Variants in TGS1 observed in about 807,000 individuals in gnomAD.
The protein encoded by TGS1 is trimethylguanosine synthase.
A neutral mutation model predicts 92.2 loss-of-function variants in TGS1; 69 were observed. The observed-to-expected ratio is 0.75, with a 90% CI of 0.62 to 0.91. The LOEUF is 0.91. Among genes scored for constraint, TGS1 ranks in the 40% least tolerant of loss-of-function variants. The pLI is 0.00. For synonymous variants in TGS1, 345 were observed against 338.1 expected (o/e 1.02, Z -0.22); for missense variants, 1,062 against 1,001.2 (o/e 1.06, Z -0.82).
chr8:55,783,559 T>C (rs1183847236), intron 2 of TGS1, among the ~76,000 whole-genome samples: 1 of 152,224 alleles, frequency 6.6e-6, no homozygotes, highest in Admixed American at 6.5e-5. Context: ...GTAAAGAGAC[T>C]GTCATCTTGG....
At chr8:55,785,065 G>GTTTTTTT (rs1563451677) in intron 2 of TGS1, among the ~76,000 whole-genome samples, 1 of 144,472 alleles carries the variant, frequency 6.9e-6, no homozygotes, top group African/African-American at 2.7e-5. Context: ...TTTGTTTTTT[G>GTTTTTTT]TTTTTTGTTT....
intron 12 of TGS1, among the ~76,000 whole-genome samples, chr8:55,815,458 C>G (rs954365663): frequency 1.3e-5 from 2 of 152,034 alleles, no homozygotes; most frequent in African/African-American, 4.8e-5. Context: ...ATCACAGTTG[C>G]AAAGAAAATT....
intron 7 of TGS1, among the ~76,000 whole-genome samples, chr8:55,796,540 T>C (rs1812056302): frequency 1.3e-5 from 2 of 150,998 alleles, no homozygotes; most frequent in Admixed American, 1.3e-4. Context: ...AATACAAAAT[T>C]AGCTGAGCAT....
chr8:55,774,570 G>T (rs569418693), intron 1 of TGS1, among the ~76,000 whole-genome samples: 2 of 152,242 alleles, frequency 1.3e-5, no homozygotes, highest in East Asian at 3.9e-4. Context: ...CGCCTTTTTA[G>T]TCAGGCATGC....
At chr8:55,813,717 C>G (rs951399035) in intron 12 of TGS1, among the ~76,000 whole-genome samples, 1 of 152,112 alleles carries the variant, frequency 6.6e-6, no homozygotes, top group Non-Finnish European at 1.5e-5. Flanking sequence ...ACTATGTTCT[C>G]ATTGTCTTTT....
In TGS1 at chr8:55,773,491, C is replaced by A. The variant is rs1811273018; in HGVS notation, c.-128C>A. 1.3e-5 allele frequency: 8 copies of A among 629,204 alleles called. No homozygotes were observed. The highest frequency in any genetic ancestry group is 1.1e-4 in the South Asian group (5 of 43,826). The allele number at this position is 629,204 out of a possible 1,614,324, so 39.0% of individuals were successfully genotyped here. On this transcript the variant is annotated 5_prime_UTR_variant, in exon 1 of 13. Transcript: ENST00000260129. The stretch of plus-strand genomic sequence containing the variant: ...GGCTAGTTCCCGGCGCGAGCGGCCG[C>A]GGGCCAGTTTCTATCTCCTCATCCA...
intron 6 of TGS1, among the ~76,000 whole-genome samples, chr8:55,795,440 T>C (rs1041744333): frequency 1.4e-4 from 21 of 152,348 alleles, no homozygotes; most frequent in African/African-American, 5.0e-4. Flanking sequence ...TGAGGCTTAA[T>C]ATAATCAAAG....
chr8:55,811,461 C>G (rs1803338911), intron 11 of TGS1, among the ~76,000 whole-genome samples: 1 of 148,820 alleles, frequency 6.7e-6, no homozygotes, highest in Admixed American at 6.8e-5. Context: ...GACTCTGTCT[C>G]AAAAGAGAGA....
rs1250537406 is a variant in TGS1, at chr8:55,786,312, G to T, written c.414G>T (p.Val138=). ...AAAAGAAATACTTAGATGAAATTGT[G>T]CAAGAATCTTGGAGAAAAGAATATG... The part of the protein sequence containing the change: ...KHQKKYLDEI[V]QESWRKEYEE... Residue 138 remains valine, a synonymous_variant, in exon 4 of 13, where the codon GTG becomes GTT. Transcript: ENST00000260129. 4.4e-6 allele frequency: 7 copies of T among 1,591,640 alleles called. No homozygotes were observed. Among genetic ancestry groups the T allele is most frequent in the South Asian group, 1.2e-5 (1 of 86,678 alleles).
At chr8:55,817,417 A>T (rs1452963211) in intron 12 of TGS1, among the ~76,000 whole-genome samples, 1 of 152,218 alleles carries the variant, frequency 6.6e-6, no homozygotes, top group African/African-American at 2.4e-5. Context: ...TTGAATAAAT[A>T]TGAAAAACTA....
chr8:55,797,906 T>C (rs1484504889), intron 7 of TGS1, among the ~76,000 whole-genome samples: 1 of 152,186 alleles, frequency 6.6e-6, no homozygotes, highest in Admixed American at 6.5e-5. Context: ...ATGCTACATA[T>C]ATATAGCTGG....
At chr8:55,779,465 C>T (rs918061985) in intron 1 of TGS1, among the ~76,000 whole-genome samples, 8 of 152,172 alleles carry the variant, frequency 5.3e-5, no homozygotes, top group Non-Finnish European at 1.0e-4. Context: ...TGGGCCCATC[C>T]TCCAGAAGGC....
intron 1 of TGS1, among the ~76,000 whole-genome samples, chr8:55,781,208 T>C (rs1412239282): frequency 6.6e-6 from 1 of 152,180 alleles, no homozygotes; most frequent in African/African-American, 2.4e-5. Flanking sequence ...AAACTATTTT[T>C]ATGTCTGCTG....
chr8:55,806,970 C>G (rs1803183699), intron 10 of TGS1, among the ~76,000 whole-genome samples: 1 of 151,474 alleles, frequency 6.6e-6, no homozygotes, highest in African/African-American at 2.4e-5. Context: ...CTCTGTCGCC[C>G]AGGCTGGAGT....
rs748139573 is a variant in TGS1 at position 55,799,033 on chromosome 8, G to C, written c.1662G>C (p.Met554Ile). The change falls in exon 8 of 13, where the codon ATG becomes ATC. Residue 554 changes from methionine to isoleucine, a missense_variant. Physicochemically the swap from Met to Ile is conservative, Grantham distance 10 (BLOSUM62 1). Transcript: ENST00000260129. ...STSSDSEEQD[M>I]SVKKGDDLLE... ...GTAGTGATTCAGAGGAACAAGACATGTCTGTTAAAAAAGGTGATGACCTAC... is the reference window on the plus strand; with the variant it reads ...GTAGTGATTCAGAGGAACAAGACATCTCTGTTAAAAAAGGTGATGACCTAC... 3 of 1,614,098 alleles carry C rather than the reference G, an allele frequency of 1.9e-6. No homozygotes were observed. The highest frequency in any genetic ancestry group is 2.5e-6 in the Non-Finnish European group (3 of 1,180,050).
intron 12 of TGS1, among the ~76,000 whole-genome samples, chr8:55,814,787 G>A (rs904533623): frequency 2.7e-5 from 4 of 149,152 alleles, no homozygotes; most frequent in African/African-American, 4.9e-5. Flanking sequence ...GCAGTGAGCC[G>A]AGATTGCGCC....
intron 12 of TGS1, among the ~76,000 whole-genome samples, chr8:55,817,957 A>C (rs987536796): frequency 2.0e-5 from 3 of 152,146 alleles, no homozygotes; most frequent in Admixed American, 2.0e-4. Flanking sequence ...CATTTCATTG[A>C]CTCATCATGA....
At position 55,825,956 on chromosome 8, in the gene TGS1, A is replaced by G. The variant is rs1292355922; in HGVS notation, c.*1253A>G. On this transcript the variant is annotated 3_prime_UTR_variant, in exon 13 of 13. Transcript: ENST00000260129. The stretch of plus-strand genomic sequence containing the variant: ...GTGATCTCAGCTTACTGCAACCTCC[A>G]CCTCCTACCTCAGCCTCCCGAGTAG... 2.0e-5 allele frequency among the ~76,000 whole-genome samples: 3 copies of G among 149,144 alleles called. No individual in the cohort carries two copies. In the East Asian group the frequency reaches 5.9e-4, roughly 29 times the overall value.
At chr8:55,811,557 C>T (rs1375157663) in intron 11 of TGS1, among the ~76,000 whole-genome samples, 1 of 151,772 alleles carries the variant, frequency 6.6e-6, no homozygotes, top group Non-Finnish European at 1.5e-5. Flanking sequence ...GTCAGGAGAT[C>T]GAGACCATCC....
Sources: allele counts gnomAD v4.1 joint callset (sites outside exome capture counted in the v4.1 genomes callset), GRCh38; gene constraint gnomAD v4.1.1; transcripts MANE v1.5; gene names NCBI Gene and HGNC (gene_info 2026-07-23, HGNC 2026-07-21).